The following LRSAM1 variants were observed in gnomAD, a reference collection of about 807,000 sequenced individuals.
LRSAM1 encodes E3 ubiquitin-protein ligase LRSAM1.
A neutral mutation model predicts 118.1 loss-of-function variants in LRSAM1; 96 were observed. The observed-to-expected ratio is 0.81, with a 90% confidence interval of 0.69 to 0.96. The LOEUF (loss-of-function observed/expected upper bound fraction) is 0.96, where lower values mean the gene tolerates loss of function less well. Among genes scored for constraint, LRSAM1 ranks in the 40% least tolerant of loss-of-function variants. LRSAM1 has a pLI of 0.00. For synonymous variants in LRSAM1, 322 were observed against 364.2 expected, an observed-to-expected ratio of 0.88 and a Z score of 1.32; for missense variants, 804 against 915.5, an observed-to-expected ratio of 0.88 and a Z score of 1.57.
chr9:127,503,489 T>C lies in LRSAM1; in HGVS notation c.*590T>C, dbSNP rs139260397. On this transcript the variant is annotated 3_prime_UTR_variant, in exon 26 of 26. Transcript: ENST00000300417. ...CGAAGCAGGAGTGTCAATAAACCTG[T>C]CTTCAGTGCGCTTCTGGCCTGAGTC... is the stretch of plus-strand genomic sequence containing the variant. 50 of 155,280 alleles carry C rather than the reference T, an allele frequency of 3.2e-4. 2 individuals are homozygous for C. The East Asian group carries it at 7.7e-3, about 24-fold the overall frequency. The allele number at this position is 155,280 out of a possible 1,614,324, so 9.6% of individuals were successfully genotyped here. A position where few individuals can be genotyped will look rare whatever the true frequency, so the allele number is the denominator to read the frequency against.
chr9:127,488,012 C>T (rs1442959428), intron 18 of LRSAM1, among the ~76,000 whole-genome samples: 1 of 152,170 alleles, frequency 6.6e-6, no homozygotes, highest in East Asian at 1.9e-4. Context: ...CTCCTACCCC[C>T]ATCCTGTGTA....
chr9:127,497,125 C>A (rs565324426), intron 23 of LRSAM1, 128 bp from the exon 24 acceptor site: 1 of 949,804 alleles, frequency 1.1e-6, no homozygotes, highest in East Asian at 2.6e-5. Flanking sequence ...CGCCAGGCCC[C>A]GGAAGGCTTC....
intron 11 of LRSAM1, among the ~76,000 whole-genome samples, chr9:127,477,911 T>C (rs1835396238): frequency 6.6e-6 from 1 of 151,714 alleles, no homozygotes. Flanking sequence ...CAGCCGGGTG[T>C]GGTGGTGGGT....
In LRSAM1 at chr9:127,489,524, C is replaced by G. The variant is rs745690669; in HGVS notation, c.1422+6C>G. Reference sequence around the variant, plus strand: ...ATCGGCAGATCAGGAGCCAGGTGAGCGCTGGGGCTGGGGTCCCTGGACCTG... The same window carrying G: ...ATCGGCAGATCAGGAGCCAGGTGAGGGCTGGGGCTGGGGTCCCTGGACCTG... On this transcript the variant is annotated splice_donor_region_variant and intron_variant, in intron 19 of 25. Transcript: ENST00000300417. The G allele has an allele frequency of 6.2e-7, 1 of 1,604,970 alleles. No homozygotes were observed. Among genetic ancestry groups the G allele is most frequent in the South Asian group, 1.1e-5 (1 of 89,100 alleles).
At chr9:127,470,163 A>C (rs1279621311) in intron 10 of LRSAM1, among the ~76,000 whole-genome samples, 1 of 152,038 alleles carries the variant, frequency 6.6e-6, no homozygotes, top group Non-Finnish European at 1.5e-5. Context: ...ACATGCCTGT[A>C]TTAGTCTGTT....
rs2132014587 is a variant in LRSAM1 at position 127,462,351 on chromosome 9, T to A, written c.506T>A (p.Leu169Gln). 6.2e-7 allele frequency: 1 copy of A among 1,614,036 alleles called. No individual in the cohort carries two copies. Residue 169 changes from leucine (L) to glutamine (Q), a missense_variant, in exon 9 of 26, where the codon CTG (leucine) becomes CAG (glutamine). Coordinates refer to ENST00000300417, the MANE Select transcript of LRSAM1 (RefSeq NM_001005373.4). ...GNEIQRLPQMLAHVRTLEMLS... is the reference protein window; with the variant it reads ...GNEIQRLPQMQAHVRTLEMLS... Reference sequence around the variant, plus strand: ...GAGATCCAGAGATTGCCGCAGATGCTGGCTCACGTTCGAACCCTGGAGGTA... The same window carrying A: ...GAGATCCAGAGATTGCCGCAGATGCAGGCTCACGTTCGAACCCTGGAGGTA...
intron 9 of LRSAM1, among the ~76,000 whole-genome samples, chr9:127,466,505 T>TATATATATACA (rs61032058): frequency 7.4e-4 from 14 of 18,990 alleles, no homozygotes; most frequent in African/African-American, 3.2e-3. Flanking sequence ...TATATATATA[T>TATATATATACA]TTTTTTTTTT....
intron 15 of LRSAM1, among the ~76,000 whole-genome samples, chr9:127,482,324 G>T (rs1364684579): frequency 1.3e-5 from 2 of 151,956 alleles, no homozygotes; most frequent in African/African-American, 4.8e-5. Flanking sequence ...TGTATTTTTA[G>T]TAGAGATGGA....
chr9:127,483,289 T>C (rs1346526809), intron 16 of LRSAM1, among the ~76,000 whole-genome samples: 1 of 152,114 alleles, frequency 6.6e-6, no homozygotes. Flanking sequence ...AGCTATAAAA[T>C]GGAGGAAATG....
intron 2 of LRSAM1, chr9:127,454,148 C>T: frequency 2.8e-6 from 1 of 356,236 alleles, no homozygotes; most frequent in Non-Finnish European, 5.4e-6. Flanking sequence ...CCCCGTGGAA[C>T]TCACTAGAAA....
chr9:127,456,666 C>T (rs767554565), intron 5 of LRSAM1, among the ~76,000 whole-genome samples: 3 of 151,974 alleles, frequency 2.0e-5, no homozygotes, highest in Admixed American at 1.3e-4. Flanking sequence ...AGATCAAGAC[C>T]ATCCTGGCTA....
intron 7 of LRSAM1, among the ~76,000 whole-genome samples, chr9:127,460,849 T>TTC (rs1335699939): frequency 1.8e-5 from 2 of 113,040 alleles, no homozygotes; most frequent in Admixed American, 8.3e-5. Context: ...GTTTCTTTCT[T>TTC]TTTTTTTTTT....
intron 5 of LRSAM1, 58 bp downstream of exon 5, chr9:127,455,678 C>CA: frequency 6.4e-7 from 1 of 1,550,422 alleles, no homozygotes; most frequent in Non-Finnish European, 8.9e-7. Flanking sequence ...TGTTTGAACC[C>CA]ACAAGGGACT....
At position 127,496,869 on chromosome 9, in the gene LRSAM1, T is replaced by C. The variant is rs185256079; in HGVS notation, c.1831-384T>C. Reference sequence around the variant, plus strand: ...CTGAGGGACTGTGGGGCTCGTGTGCTGCTGCTGCTTAGTGGCTTGGCCTCC... The same window carrying C: ...CTGAGGGACTGTGGGGCTCGTGTGCCGCTGCTGCTTAGTGGCTTGGCCTCC... On this transcript the variant is annotated intron_variant, in intron 23 of 25. Transcript: ENST00000300417. Among the ~76,000 whole-genome samples the C allele has an allele frequency of 7.3e-3, 1,115 of 152,356 alleles. 15 individuals carry two copies. Among genetic ancestry groups the C allele is most frequent in the African/African-American group, 0.025 (1,035 of 41,580 alleles).
chr9:127,497,451 T>C (rs1836196516), intron 24 of LRSAM1, 117 bp downstream of exon 24: 3 of 1,042,484 alleles, frequency 2.9e-6, no homozygotes, highest in African/African-American at 1.6e-5. Context: ...TTCTAGCCTC[T>C]GCTGGTCGGT....
At chr9:127,464,708 A>G (rs1588103702) in intron 9 of LRSAM1, among the ~76,000 whole-genome samples, 2 of 151,664 alleles carry the variant, frequency 1.3e-5, no homozygotes, top group Non-Finnish European at 2.9e-5. Context: ...CAGTGGCTCA[A>G]TCATAGCTCA....
intron 4 of LRSAM1, 149 bp from the exon 5 acceptor site, chr9:127,455,427 C>T (rs1834481288): frequency 4.9e-6 from 4 of 810,794 alleles, no homozygotes; most frequent in South Asian, 1.4e-5. Flanking sequence ...TGCTTGCCAG[C>T]CTTGCCCCTG....
At chr9:127,461,011 A>T (rs554359699) in intron 7 of LRSAM1, among the ~76,000 whole-genome samples, 162 bp from the exon 8 acceptor site, 1 of 151,938 alleles carries the variant, frequency 6.6e-6, no homozygotes, top group African/African-American at 2.4e-5. Context: ...GTGTGCCACC[A>T]TGCCCAGCTA....
At chr9:127,463,274 G>A (rs1048182401) in intron 9 of LRSAM1, among the ~76,000 whole-genome samples, 1 of 152,012 alleles carries the variant, frequency 6.6e-6, no homozygotes, top group African/African-American at 2.4e-5. Context: ...GGCAGGTGGT[G>A]GGAAGCACAG....
Sources: gnomAD v4.1 joint callset for allele counts (sites outside exome capture counted in the v4.1 genomes callset) on GRCh38, gnomAD v4.1.1 for gene constraint, MANE v1.5 for transcripts, NCBI Gene and HGNC (gene_info 2026-07-23, HGNC 2026-07-21) for gene names.